MOCOS: variants seen among roughly 807,000 people sequenced by gnomAD.
The protein encoded by MOCOS is human molybdenum cofactor sulfurase.
MOCOS carries 86 observed loss-of-function variants against 83.6 expected under a neutral mutation model. That is an observed-to-expected ratio of 1.03 (90% CI 0.86 to 1.23). The LOEUF (loss-of-function observed/expected upper bound fraction) is 1.23. Ranked by LOEUF, MOCOS falls within the 50% of genes most tolerant of loss-of-function variation. MOCOS has a pLI of 0.00. For missense variants in MOCOS, 1,120 were observed against 1,126.9 expected (o/e 0.99, Z 0.09); for synonymous variants, 445 against 434.7 (o/e 1.02, Z -0.29).
chr18:36,259,095 A>C (rs2091652884), intron 12 of MOCOS, among the ~76,000 whole-genome samples: 1 of 148,350 alleles, frequency 6.7e-6, no homozygotes, highest in Non-Finnish European at 1.5e-5. Flanking sequence ...GGGGGTGCAG[A>C]GGGCCATTTT....
At chr18:36,200,356 G>A in intron 4 of MOCOS, 32 bp downstream of exon 4, 1 of 1,612,780 alleles carries the variant, frequency 6.2e-7, no homozygotes, top group Non-Finnish European at 8.5e-7. Flanking sequence ...GGTCAGAGGA[G>A]TTCAGCAAGG....
intron 9 of MOCOS, among the ~76,000 whole-genome samples, chr18:36,221,633 TGTTCTGTTCTGTTCTGTTCCC>T (rs2091496325): frequency 7.5e-6 from 1 of 133,742 alleles, no homozygotes; most frequent in Non-Finnish European, 1.7e-5. Context: ...TGTTCTGTTC[TGTTCTGTTCTGTTCTGTTCCC>T]GTGGTTTATT....
intron 8 of MOCOS, among the ~76,000 whole-genome samples, chr18:36,218,568 A>G (rs934765703): frequency 1.3e-5 from 2 of 152,066 alleles, no homozygotes; most frequent in Admixed American, 6.6e-5. Context: ...AGGCTGGAAT[A>G]CAGTGCTGCC....
chr18:36,209,309 G>C (rs567175542), intron 6 of MOCOS, among the ~76,000 whole-genome samples: 1 of 152,090 alleles, frequency 6.6e-6, no homozygotes, highest in Admixed American at 6.6e-5. Context: ...TTCCCGAGTA[G>C]CTGGGACTAC....
intron 6 of MOCOS, 142 bp downstream of exon 6, chr18:36,205,418 C>A: frequency 1.0e-5 from 9 of 860,162 alleles, no homozygotes; most frequent in East Asian, 2.5e-5. Context: ...CATTCACCCT[C>A]GTTTTTCAGT....
chr18:36,262,778 T>C (rs1230972054), intron 13 of MOCOS, among the ~76,000 whole-genome samples: 2 of 152,228 alleles, frequency 1.3e-5, no homozygotes, highest in African/African-American at 4.8e-5. Context: ...ATTATAGGCA[T>C]AGGCCACCAC....
chr18:36,223,633 C>A (rs1381469188), intron 9 of MOCOS, among the ~76,000 whole-genome samples: 1 of 152,084 alleles, frequency 6.6e-6, no homozygotes, highest in African/African-American at 2.4e-5. Context: ...TAAAAAAATG[C>A]CATTGCGATT....
At chr18:36,200,362 C>G (rs2091408808) in intron 4 of MOCOS, 38 bp downstream of exon 4, 1 of 1,611,758 alleles carries the variant, frequency 6.2e-7, no homozygotes, top group African/African-American at 1.3e-5. Flanking sequence ...AGGAGTTCAG[C>G]AAGGTGGGGT....
rs531992489 is a variant in MOCOS at position 36,244,594 on chromosome 18, C to T, written c.1961-4328C>T. 2.0e-5 allele frequency among the ~76,000 whole-genome samples: 3 copies of T among 152,204 alleles called. No individual in the cohort carries two copies. The East Asian group carries it at 5.8e-4, about 29-fold the overall frequency. On this transcript the variant is annotated intron_variant, in intron 9 of 14. Coordinates refer to ENST00000261326, the MANE Select transcript of MOCOS (RefSeq NM_017947.4). ...TGTGCCAGTTAAAAGAATGTATACTCTGCAGTTGTTGGGTAGAATTTTCAT... is the reference window on the plus strand; with the variant it reads ...TGTGCCAGTTAAAAGAATGTATACTTTGCAGTTGTTGGGTAGAATTTTCAT...
At chr18:36,240,658 T>G (rs1354481464) in intron 9 of MOCOS, among the ~76,000 whole-genome samples, 1 of 152,164 alleles carries the variant, frequency 6.6e-6, no homozygotes. Context: ...TGTGGTGGGC[T>G]CCACCCAGTT....
At chr18:36,229,061 C>A (rs2091528474) in intron 9 of MOCOS, among the ~76,000 whole-genome samples, 1 of 151,854 alleles carries the variant, frequency 6.6e-6, no homozygotes, top group Admixed American at 6.6e-5. Flanking sequence ...ATATTTTTGT[C>A]TTTTGACCTT....
At chr18:36,234,576 C>T (rs983575283) in intron 9 of MOCOS, among the ~76,000 whole-genome samples, 12 of 152,122 alleles carry the variant, frequency 7.9e-5, no homozygotes, top group South Asian at 6.2e-4. Context: ...ATAATGATGA[C>T]GGCATTTTGA....
At chr18:36,195,905 G>A (rs1458361772) in intron 2 of MOCOS, among the ~76,000 whole-genome samples, 1 of 150,778 alleles carries the variant, frequency 6.6e-6, no homozygotes, top group Non-Finnish European at 1.5e-5. Context: ...AGTGACAGTG[G>A]GGTTGGCTTG....
At chr18:36,194,496 C>T (rs894869086) in intron 1 of MOCOS, among the ~76,000 whole-genome samples, 3 of 152,104 alleles carry the variant, frequency 2.0e-5, no homozygotes, top group East Asian at 1.9e-4. Flanking sequence ...GGCAATAGTT[C>T]GTCGAATAGC....
At chr18:36,210,782 T>A (rs1265514577) in intron 6 of MOCOS, among the ~76,000 whole-genome samples, 1 of 127,374 alleles carries the variant, frequency 7.9e-6, no homozygotes, top group East Asian at 2.4e-4. Flanking sequence ...ACCCGAGAGG[T>A]GGAAGTTGCC....
At position 36,268,832 on chromosome 18, in the gene MOCOS, C is replaced by A; in HGVS notation, c.*147C>A. 1 of 723,240 alleles carries A rather than the reference C, an allele frequency of 1.4e-6. No homozygotes were observed. Among genetic ancestry groups the A allele is most frequent in the Non-Finnish European group, 2.3e-6 (1 of 435,076 alleles). 44.8% of individuals were successfully genotyped at this position (723,240 alleles called of 1,614,324 possible). ...GAATGCTCTCACCTGCTTCCTTCTG[C>A]CTTTGACTTCTCACCCTGCAAATTT... On this transcript the variant is annotated 3_prime_UTR_variant, in exon 15 of 15. Transcript: ENST00000261326.
At chr18:36,239,560 C>A (rs1303070394) in intron 9 of MOCOS, among the ~76,000 whole-genome samples, 1 of 149,784 alleles carries the variant, frequency 6.7e-6, no homozygotes, top group Non-Finnish European at 1.5e-5. Flanking sequence ...CTCTGGCTGC[C>A]CTTAAAATTT....
At chr18:36,225,299 G>A (rs11661170) in intron 9 of MOCOS, among the ~76,000 whole-genome samples, 13,534 of 151,924 alleles carry the variant, frequency 0.089, 817 homozygotes, top group Non-Finnish European at 0.13. Context: ...CTACAGGTGC[G>A]CACCACCATG....
At chr18:36,195,962 G>A (rs1347324557) in intron 2 of MOCOS, among the ~76,000 whole-genome samples, 1 of 152,180 alleles carries the variant, frequency 6.6e-6, no homozygotes, top group East Asian at 1.9e-4. Flanking sequence ...GATGCTGGAG[G>A]ATGAGCCAGA....
Sources: allele counts gnomAD v4.1 joint callset (sites outside exome capture counted in the v4.1 genomes callset), GRCh38; gene constraint gnomAD v4.1.1; transcripts MANE v1.5; gene names NCBI Gene and HGNC (gene_info 2026-07-23, HGNC 2026-07-21).